Variants in KCND3 observed in about 807,000 individuals in gnomAD.
KCND3 encodes A-type voltage-gated potassium channel KCND3.
KCND3 carries 9 observed loss-of-function variants against 51.1 expected under a neutral mutation model. The ratio of observed to expected loss-of-function variants is 0.18; its 90% CI spans 0.11 to 0.31. The LOEUF (loss-of-function observed/expected upper bound fraction) is 0.31, where lower values mean the gene tolerates loss of function less well. Ranked by LOEUF, KCND3 falls within the 10% of genes least tolerant of loss-of-function variation. The pLI, the probability that KCND3 is intolerant of heterozygous loss-of-function variation, is 1.00. For missense variants in KCND3, 526 were observed against 903.8 expected (o/e 0.58, Z 5.36); for synonymous variants, 349 against 368.0 (o/e 0.95, Z 0.59).
rs189196099 is a variant in KCND3 at position 111,907,817 on chromosome 1, G to A, written c.1106+73804C>T. ...AAAGCTGTCTGGAGACTCTGTGCTA[G>A]GAAGCAGAGCCCTGATGAAGACAAG... is the stretch of plus-strand genomic sequence containing the variant. On this transcript the variant is annotated intron_variant, in intron 2 of 7. Transcript: ENST00000302127. 2.6e-5 allele frequency among the ~76,000 whole-genome samples: 4 copies of A among 152,334 alleles called. No individual in the cohort carries two copies. The East Asian group carries it at 7.7e-4, about 29-fold the overall frequency.
intron 2 of KCND3, among the ~76,000 whole-genome samples, chr1:111,817,516 GC>G (rs1666154558): frequency 6.6e-6 from 1 of 152,164 alleles, no homozygotes; most frequent in Non-Finnish European, 1.5e-5. Flanking sequence ...TGGGGGGTTA[GC>G]TAATTAAATT....
intron 2 of KCND3, among the ~76,000 whole-genome samples, chr1:111,887,461 A>T (rs1669620971): frequency 6.6e-6 from 1 of 152,122 alleles, no homozygotes; most frequent in Non-Finnish European, 1.5e-5. Context: ...AAAATATCTA[A>T]GGCTTCTCAA....
At chr1:111,924,242 G>C (rs1671598672) in intron 2 of KCND3, among the ~76,000 whole-genome samples, 2 of 152,234 alleles carry the variant, frequency 1.3e-5, no homozygotes, top group Non-Finnish European at 2.9e-5. Context: ...TTCTAGCCTG[G>C]AAGGGGAAAT....
rs1227533264 is a variant in KCND3, at chr1:111,780,542, G to C, written c.1371+148C>G. 4.9e-6 allele frequency: 4 copies of C among 817,156 alleles called. No homozygotes were observed. The highest frequency in any genetic ancestry group is 8.2e-6 in the Non-Finnish European group (4 of 487,512). The allele number at this position is 817,156 out of a possible 1,614,324, so 50.6% of individuals were successfully genotyped here. A position where few individuals can be genotyped will look rare whatever the true frequency, so the allele number is the denominator to read the frequency against. On this transcript the variant is annotated intron_variant, in intron 4 of 7. Transcript: ENST00000302127. The surrounding 1 kb of genome is among the most constrained non-coding windows in gnomAD (Gnocchi z 4.2). ...AATCCTATGGAAGTGGTGTGTGAAT[G>C]GGGGGCTGCTACCTGGGGAAAGTTT... is the stretch of plus-strand genomic sequence containing the variant.
chr1:111,810,102 G>C (rs951318779), intron 2 of KCND3, among the ~76,000 whole-genome samples: 1 of 152,264 alleles, frequency 6.6e-6, no homozygotes, highest in African/African-American at 2.4e-5. Flanking sequence ...TTCTGCCCAG[G>C]ATCATGGAAC....
intron 2 of KCND3, among the ~76,000 whole-genome samples, chr1:111,935,022 T>A (rs549914549): frequency 6.6e-6 from 1 of 152,318 alleles, no homozygotes; most frequent in Non-Finnish European, 1.5e-5. Flanking sequence ...GCTTCTTGAC[T>A]CTAAACTGAG....
chr1:111,789,160 G>A (rs538263984), intron 2 of KCND3, among the ~76,000 whole-genome samples: 36 of 152,228 alleles, frequency 2.4e-4, no homozygotes, highest in Non-Finnish European at 4.7e-4. Flanking sequence ...ATTTCAGAGT[G>A]ACCAAGGCTG....
chr1:111,907,054 C>T (rs1349083834), intron 2 of KCND3, among the ~76,000 whole-genome samples: 1 of 152,182 alleles, frequency 6.6e-6, no homozygotes, highest in African/African-American at 2.4e-5. Context: ...GTCCTCATTT[C>T]CCCCCTACTG....
At chr1:111,918,338 A>G (rs529720408) in intron 2 of KCND3, among the ~76,000 whole-genome samples, 1 of 152,308 alleles carries the variant, frequency 6.6e-6, no homozygotes, top group African/African-American at 2.4e-5. Context: ...AGAGACCTGG[A>G]AACTTGAAAA....
At chr1:111,975,421 G>A (rs539496534) in intron 2 of KCND3, among the ~76,000 whole-genome samples, 1 of 152,218 alleles carries the variant, frequency 6.6e-6, no homozygotes, top group East Asian at 1.9e-4. Flanking sequence ...GTGGGAGCAG[G>A]ACCAACAAGC....
intron 2 of KCND3, among the ~76,000 whole-genome samples, chr1:111,889,706 G>A (rs1202978946): frequency 6.6e-6 from 1 of 152,128 alleles, no homozygotes; most frequent in African/African-American, 2.4e-5. Flanking sequence ...AACAAAAGGA[G>A]CAGAGGAAAA....
At chr1:111,787,797 A>T (rs1439899889) in intron 2 of KCND3, among the ~76,000 whole-genome samples, 1 of 152,250 alleles carries the variant, frequency 6.6e-6, no homozygotes, top group African/African-American at 2.4e-5. Flanking sequence ...GCACTTCTAC[A>T]TATTTACCTC....
At chr1:111,791,463 C>T (rs373478368) in intron 2 of KCND3, among the ~76,000 whole-genome samples, 7 of 152,252 alleles carry the variant, frequency 4.6e-5, no homozygotes, top group East Asian at 3.9e-4. Context: ...GCAGGAGATG[C>T]GTGATGGAAA....
Position 111,780,228 on chromosome 1 carries a change from G to A in KCND3, c.1458C>T (p.Thr486=), listed in dbSNP as rs1262748043. The change falls in exon 5 of 8, where the codon ACC becomes ACT. Residue 486 remains threonine (T), a synonymous_variant. Transcript: ENST00000302127. This position sits in a 1 kb window ranked among gnomAD's most constrained non-coding sequence, Gnocchi z 4.2. ...HHHLLHCLEK[T]TGLSYLVDDP... is the part of the protein sequence containing the mutation. ...GTGGCAAAGGGCTGGGACTCACAGT[G>A]GTTTTTTCCAGGCAGTGCAGCAGGT... 6.3e-7 allele frequency: 1 copy of A among 1,584,358 alleles called. No individual in the cohort carries two copies. Among genetic ancestry groups the A allele is most frequent in the African/African-American group, 1.3e-5 (1 of 74,628 alleles).
chr1:111,860,601 C>T (rs1429854130), intron 2 of KCND3, among the ~76,000 whole-genome samples: 1 of 152,138 alleles, frequency 6.6e-6, no homozygotes, highest in Non-Finnish European at 1.5e-5. Context: ...TTCCAAGCTC[C>T]CTCTCAGCCC....
intron 2 of KCND3, among the ~76,000 whole-genome samples, chr1:111,856,054 C>G: frequency 6.6e-6 from 1 of 152,214 alleles, no homozygotes; most frequent in South Asian, 2.1e-4. Flanking sequence ...CTGGCCAAAC[C>G]CAGCCAGAAG....
At chr1:111,776,978 A>G (rs1664143514) in intron 7 of KCND3, 48 bp downstream of exon 7, 1 of 1,611,590 alleles carries the variant, frequency 6.2e-7, no homozygotes, top group African/African-American at 1.3e-5. Context: ...TAATTCTGTG[A>G]ATGGGATGAT....
Position 111,944,952 on chromosome 1 carries a change from A to C in KCND3, c.1106+36669T>G, listed in dbSNP as rs144101569. Among the ~76,000 whole-genome samples, 456 of 152,202 alleles carry C rather than the reference A, an allele frequency of 3.0e-3. 1 individual carries two copies. The highest frequency in any genetic ancestry group is 0.01 in the African/African-American group (433 of 41,526). ...TGCCAATTGTCTGCCTGCTTCTGTCACTCAACCATGAGCCCCATGATGATG... is the reference window on the plus strand; with the variant it reads ...TGCCAATTGTCTGCCTGCTTCTGTCCCTCAACCATGAGCCCCATGATGATG... On this transcript the variant is annotated intron_variant, in intron 2 of 7. Transcript: ENST00000302127.
intron 2 of KCND3, among the ~76,000 whole-genome samples, chr1:111,828,066 C>T (rs1409338220): frequency 1.3e-5 from 2 of 152,150 alleles, no homozygotes; most frequent in Non-Finnish European, 2.9e-5. Context: ...TGTTTATGGG[C>T]TTCTGGAAGC....
Sources: gnomAD v4.1 joint callset for allele counts (sites outside exome capture counted in the v4.1 genomes callset) on GRCh38, gnomAD v4.1.1 for gene constraint, Gnocchi (gnomAD v3.1) non-coding constraint, MANE v1.5 for transcripts, NCBI Gene and HGNC (gene_info 2026-07-23, HGNC 2026-07-21) for gene names.